PACSIN1: variants seen among roughly 807,000 people sequenced by gnomAD.
The protein encoded by PACSIN1 is protein kinase C and casein kinase substrate in neurons protein 1.
In PACSIN1, 15 loss-of-function variants were observed where a neutral mutation model predicts 59.5. That is an observed-to-expected ratio of 0.25 (90% CI 0.17 to 0.39). The LOEUF (loss-of-function observed/expected upper bound fraction) is 0.39. Ranked by LOEUF, PACSIN1 falls within the 10% of genes least tolerant of loss-of-function variation. The pLI is 1.00. For synonymous variants in PACSIN1, 210 were observed against 220.6 expected, an observed-to-expected ratio of 0.95 and a Z score of 0.42; for missense variants, 420 against 580.2, an observed-to-expected ratio of 0.72 and a Z score of 2.84.
chr6:34,512,252 G>A (rs940592174), intron 1 of PACSIN1, among the ~76,000 whole-genome samples: 19 of 151,822 alleles, frequency 1.3e-4, no homozygotes, highest in Non-Finnish European at 1.0e-4. Context: ...GGAGACAGAA[G>A]GGGTCAGCTT....
At chr6:34,470,428 C>T (rs1184301440) in intron 1 of PACSIN1, among the ~76,000 whole-genome samples, 1 of 152,126 alleles carries the variant, frequency 6.6e-6, no homozygotes, top group Non-Finnish European at 1.5e-5. Flanking sequence ...ATCCACCCGC[C>T]TCGGCCTCCC....
chr6:34,500,558 C>T (rs891153909), intron 1 of PACSIN1, among the ~76,000 whole-genome samples: 2 of 152,172 alleles, frequency 1.3e-5, no homozygotes, highest in African/African-American at 4.8e-5. Context: ...TTTACAGACG[C>T]AGGCAGAATA....
chr6:34,531,525 G>C lies in PACSIN1; in HGVS notation c.1038-75G>C. On this transcript the variant is annotated intron_variant, in intron 8 of 9. Transcript: ENST00000244458. This position sits in a 1 kb window ranked among gnomAD's most constrained non-coding sequence, Gnocchi z 4.4. ...TGGTAGAATTCGGGATCAGGGCTCT[G>C]ATTAGGAGGAGCGGTTAGCCCTCGG... 2.7e-6 allele frequency: 4 copies of C among 1,476,746 alleles called. No individual in the cohort carries two copies. The South Asian group carries it at 4.8e-5, about 18-fold the overall frequency. The allele number at this position is 1,476,746 out of a possible 1,614,324, so 91.5% of individuals were successfully genotyped here.
chr6:34,494,364 A>C (rs1766918630), intron 1 of PACSIN1, among the ~76,000 whole-genome samples: 1 of 152,088 alleles, frequency 6.6e-6, no homozygotes, highest in Non-Finnish European at 1.5e-5. Context: ...TCCAAGTTTA[A>C]TGCACACAGG....
In PACSIN1 at chr6:34,528,892, CTGCCA is replaced by C; in HGVS notation, c.456+16_456+20del. 1.4e-6 allele frequency: 1 copy of C among 704,736 alleles called. No homozygotes were observed. Among genetic ancestry groups the C allele is most frequent in the Non-Finnish European group, 2.4e-6 (1 of 422,058 alleles). The allele number at this position is 704,736 out of a possible 1,614,324, so 43.7% of individuals were successfully genotyped here. On this transcript the variant is annotated intron_variant, in intron 4 of 9. Coordinates refer to ENST00000244458, the MANE Select transcript of PACSIN1 (RefSeq NM_020804.5). ...AGATGAAGGAGGTGCTCAGTGGGTG[CTGCCA>C]CGGGCGGGGTGGGGTGGGCCCGTCT...
intron 1 of PACSIN1, among the ~76,000 whole-genome samples, chr6:34,522,810 A>C (rs1252837271): frequency 6.6e-6 from 1 of 152,222 alleles, no homozygotes; most frequent in Non-Finnish European, 1.5e-5. Flanking sequence ...CCGAGTCCAA[A>C]GGCCACAGAA....
intron 1 of PACSIN1, among the ~76,000 whole-genome samples, chr6:34,519,142 C>G (rs907117813): frequency 1.3e-5 from 2 of 152,004 alleles, no homozygotes; most frequent in Admixed American, 1.3e-4. Context: ...GGCTGGGGTG[C>G]CTGAGGCTGT....
Position 34,527,327 on chromosome 6 carries a change from G to A in PACSIN1, c.64-5G>A, listed in dbSNP as rs199949546. ...CGGGAGTGGTGCTCGCTGCTTGGCC[G>A]CCAGGTGGGGAACTACAAGCGGACC... On this transcript the variant is annotated splice_polypyrimidine_tract_variant and splice_region_variant and intron_variant, in intron 2 of 9. Transcript: ENST00000244458. 3.2e-6 allele frequency: 5 copies of A among 1,560,306 alleles called. No homozygotes were observed. The South Asian group carries it at 4.7e-5, about 15-fold the overall frequency.
chr6:34,514,215 G>T lies in PACSIN1; in HGVS notation c.-63-12028G>T, dbSNP rs1274530589. Among the ~76,000 whole-genome samples the T allele has an allele frequency of 6.6e-6, 1 of 151,958 alleles. No individual in the cohort carries two copies. The highest frequency in any genetic ancestry group is 1.5e-5 in the Non-Finnish European group (1 of 68,008). ...AGTGCTTAGGGCCACCCATGTGTGCGCTTGAGTGGTGTGTGGCAGCCATGG... is the reference window on the plus strand; with the variant it reads ...AGTGCTTAGGGCCACCCATGTGTGCTCTTGAGTGGTGTGTGGCAGCCATGG... On this transcript the variant is annotated intron_variant, in intron 1 of 9. Transcript: ENST00000244458. The surrounding 1 kb of genome is among the most constrained non-coding windows in gnomAD (Gnocchi z 4.4).
chr6:34,486,072 A>T (rs1200986331), intron 1 of PACSIN1, among the ~76,000 whole-genome samples: 1 of 152,116 alleles, frequency 6.6e-6, no homozygotes, highest in Non-Finnish European at 1.5e-5. Flanking sequence ...GGTGGGAAAG[A>T]TTCTCATGTG....
chr6:34,505,017 G>A (rs1484692758), intron 1 of PACSIN1, among the ~76,000 whole-genome samples: 1 of 150,956 alleles, frequency 6.6e-6, no homozygotes, highest in Non-Finnish European at 1.5e-5. Context: ...TTTTTTTTTA[G>A]GAATGAGGTC....
chr6:34,467,553 CTT>C (rs61324041), intron 1 of PACSIN1, among the ~76,000 whole-genome samples: 3 of 90,796 alleles, frequency 3.3e-5, no homozygotes, highest in African/African-American at 8.5e-5. Context: ...TAGGCCCTTC[CTT>C]TTTTTTTTTT....
At chr6:34,475,837 A>G (rs1345250995) in intron 1 of PACSIN1, among the ~76,000 whole-genome samples, 1 of 152,090 alleles carries the variant, frequency 6.6e-6, no homozygotes, top group Non-Finnish European at 1.5e-5. Context: ...AATTATTCCC[A>G]TTTCCTAGAG....
chr6:34,481,465 G>C (rs1220801743), intron 1 of PACSIN1, among the ~76,000 whole-genome samples: 1 of 152,056 alleles, frequency 6.6e-6, no homozygotes, highest in South Asian at 2.1e-4. Flanking sequence ...GGAGGATCAC[G>C]AGGTCAGGAG....
At chr6:34,468,302 C>G (rs1262211135) in intron 1 of PACSIN1, among the ~76,000 whole-genome samples, 1 of 152,170 alleles carries the variant, frequency 6.6e-6, no homozygotes, top group Non-Finnish European at 1.5e-5. Context: ...TAGGAGGGGC[C>G]TAAAGAGAAC....
At chr6:34,475,582 T>G (rs1347689806) in intron 1 of PACSIN1, among the ~76,000 whole-genome samples, 1 of 152,224 alleles carries the variant, frequency 6.6e-6, no homozygotes, top group Non-Finnish European at 1.5e-5. Flanking sequence ...GGTCATTGTC[T>G]GCAAGCTGCT....
chr6:34,493,888 G>T (rs1766911977), intron 1 of PACSIN1, among the ~76,000 whole-genome samples: 1 of 152,238 alleles, frequency 6.6e-6, no homozygotes. Flanking sequence ...GGAAGGCCAG[G>T]CTTCTGTGGA....
chr6:34,520,793 C>T (rs1444773355), intron 1 of PACSIN1, among the ~76,000 whole-genome samples: 1 of 152,034 alleles, frequency 6.6e-6, no homozygotes, highest in African/African-American at 2.4e-5. Context: ...TGAGGGCTGA[C>T]CAAGAGGAGG....
At chr6:34,487,708 C>T (rs973932350) in intron 1 of PACSIN1, among the ~76,000 whole-genome samples, 2 of 152,106 alleles carry the variant, frequency 1.3e-5, no homozygotes, top group South Asian at 4.1e-4. Context: ...TCGCATTGAC[C>T]AGTCACTGGA....
Sources: allele counts gnomAD v4.1 joint callset (sites outside exome capture counted in the v4.1 genomes callset), GRCh38; gene constraint gnomAD v4.1.1; non-coding constraint Gnocchi (gnomAD v3.1); transcripts MANE v1.5; gene names NCBI Gene and HGNC (gene_info 2026-07-23, HGNC 2026-07-21).